Variants in C11orf65 observed in about 807,000 individuals in gnomAD.
C11orf65 encodes chromosome 11 open reading frame 65, also known as protein MFI.
C11orf65 carries 38 observed loss-of-function variants against 35.3 expected under a neutral mutation model. The observed-to-expected ratio is 1.08, with a 90% confidence interval of 0.83 to 1.41. The LOEUF is 1.41. Ranked by LOEUF, C11orf65 falls within the 40% of genes most tolerant of loss-of-function variation. The pLI, the probability that C11orf65 is intolerant of heterozygous loss-of-function variation, is 0.00. For missense variants in C11orf65, 370 were observed against 367.1 expected (o/e 1.01, Z -0.06); for synonymous variants, 105 against 114.4 (o/e 0.92, Z 0.53).
At chr11:108,405,333 A>G in intron 6 of C11orf65, 96 bp downstream of exon 6, 1 of 1,274,740 alleles carries the variant, frequency 7.8e-7, no homozygotes, top group African/African-American at 1.5e-5. Flanking sequence ...GACCCCCTGC[A>G]GCTAATGCCC....
rs2092551445 is a variant in C11orf65, at chr11:108,406,909, C to T, written c.283G>A (p.Asp95Asn). The change falls in exon 5 of 9, where the codon GAT becomes AAT. Residue 95 changes from aspartate (D) to asparagine (N), a missense_variant. Coordinates refer to ENST00000393084, the MANE Select transcript of C11orf65 (RefSeq NM_152587.5). ...TTTCTAGGGCTGTTAGCACAGAGAT[C>T]TTCAATAGGTCTGTGAGTAAAAATC... ...YKIFTHRPIE[D>N]LCANSPRNYA... 1 of 1,612,430 alleles carries T rather than the reference C, an allele frequency of 6.2e-7. No individual in the cohort carries two copies. The highest frequency in any genetic ancestry group is 2.2e-5 in the East Asian group (1 of 44,792).
chr11:108,454,262 T>C (rs984980060), intron 2 of C11orf65, among the ~76,000 whole-genome samples: 1 of 151,966 alleles, frequency 6.6e-6, no homozygotes, highest in Admixed American at 6.6e-5. Context: ...TCAGTTGTAA[T>C]GTCTCATCTT....
chr11:108,449,788 G>A (rs1414839282), intron 2 of C11orf65, among the ~76,000 whole-genome samples: 2 of 151,952 alleles, frequency 1.3e-5, no homozygotes, highest in Non-Finnish European at 2.9e-5. Context: ...TGACAAATGG[G>A]ATCTAATTAA....
At chr11:108,389,947 G>A (rs2092110045) in intron 7 of C11orf65, among the ~76,000 whole-genome samples, 1 of 151,730 alleles carries the variant, frequency 6.6e-6, no homozygotes. Context: ...GCCCTCCTCA[G>A]CCTCCCAAAG....
intron 5 of C11orf65, 34 bp downstream of exon 5, chr11:108,406,729 G>GT: frequency 5.1e-6 from 7 of 1,361,872 alleles, no homozygotes; most frequent in Non-Finnish European, 7.0e-6. Flanking sequence ...TTCTAAATAC[G>GT]TAAGGTTAAA....
downstream of C11orf65, among the ~76,000 whole-genome samples, chr11:108,328,480 A>G (rs577525842): frequency 6.6e-6 from 1 of 152,242 alleles, no homozygotes; most frequent in South Asian, 2.1e-4. Context: ...TCCTGACCTC[A>G]AGTGATCCAC....
At chr11:108,316,232 G>A in intron 6 of C11orf65, 2 of 996,900 alleles carry the variant, frequency 2.0e-6, no homozygotes, top group East Asian at 2.6e-5. Flanking sequence ...GAACTTATCT[G>A]TTTTTCAGAG....
chr11:108,421,975 G>A (rs1428914528), intron 3 of C11orf65, among the ~76,000 whole-genome samples: 3 of 152,086 alleles, frequency 2.0e-5, no homozygotes, highest in African/African-American at 7.2e-5. Context: ...ACTGTCACCC[G>A]GGTTGGTGTG....
At chr11:108,413,534 T>C (rs1330860186) in intron 3 of C11orf65, among the ~76,000 whole-genome samples, 6 of 152,226 alleles carry the variant, frequency 3.9e-5, no homozygotes, top group Admixed American at 6.5e-5. Context: ...TCTTGCCTGA[T>C]TGTGCTGGCT....
chr11:108,417,681 G>A (rs1017882674), intron 3 of C11orf65, among the ~76,000 whole-genome samples: 5 of 151,704 alleles, frequency 3.3e-5, no homozygotes, highest in Non-Finnish European at 5.9e-5. Flanking sequence ...GTTGGTGTGC[G>A]CATGTTCTCA....
chr11:108,324,220 G>A (rs2085439424), intron 6 of C11orf65, among the ~76,000 whole-genome samples: 1 of 152,016 alleles, frequency 6.6e-6, no homozygotes, highest in Non-Finnish European at 1.5e-5. Context: ...TTTAATAAAA[G>A]CACAATCTAG....
chr11:108,369,927 G>A (rs532672421), intron 2 of C11orf65, among the ~76,000 whole-genome samples: 1 of 152,186 alleles, frequency 6.6e-6, no homozygotes, highest in South Asian at 2.1e-4. Flanking sequence ...CTGCCTGTAC[G>A]TATTCTTTGC....
chr11:108,389,224 C>G (rs2092088523), intron 7 of C11orf65, among the ~76,000 whole-genome samples: 1 of 152,186 alleles, frequency 6.6e-6, no homozygotes, highest in Non-Finnish European at 1.5e-5. Context: ...AAGCCAGTTA[C>G]AAATATCTAG....
intron 6 of C11orf65, among the ~76,000 whole-genome samples, chr11:108,393,760 A>T (rs1459014652): frequency 6.6e-6 from 1 of 152,240 alleles, no homozygotes; most frequent in African/African-American, 2.4e-5. Context: ...TTACAAAATC[A>T]AGAGGCTAAT....
chr11:108,342,742 C>T (rs906342449), intron 2 of C11orf65, among the ~76,000 whole-genome samples: 22 of 152,220 alleles, frequency 1.4e-4, no homozygotes, highest in African/African-American at 5.3e-4. Flanking sequence ...TTTAGGAGTA[C>T]ATTTTCTCTC....
At chr11:108,317,630 T>TATATAC (rs1271289105) in intron 6 of C11orf65, 1 of 170,654 alleles carries the variant, frequency 5.9e-6, no homozygotes, top group African/African-American at 3.7e-5. Context: ...TATATATATA[T>TATATAC]ATATATATAT....
rs2091900489 is a variant in C11orf65 at position 108,383,113 on chromosome 11, G to A, written c.850C>T (p.Gln284Ter). The change falls in exon 9 of 9, where the codon CAA becomes TAA. Residue 284 changes from glutamine to a stop codon, truncating the protein, a stop_gained. Coordinates refer to ENST00000393084, the MANE Select transcript of C11orf65 (RefSeq NM_152587.5). LOFTEE classifies it low-confidence loss of function (END_TRUNC). ...YNYGGDISKM[Q>*]MGIPDDTYYE... The stretch of plus-strand genomic sequence containing the variant: ...TAAGTATCATCTGGTATTCCCATTT[G>A]CATCTTTGATATGTCTCCTCCATAG... The A allele has an allele frequency of 6.2e-7, 1 of 1,611,804 alleles. No homozygotes were observed.
At chr11:108,462,226 G>A (rs567673279) in intron 1 of C11orf65, among the ~76,000 whole-genome samples, 6 of 152,140 alleles carry the variant, frequency 3.9e-5, no homozygotes, top group Non-Finnish European at 7.4e-5. Context: ...AAAATTTTTT[G>A]TAGAGACAGG....
chr11:108,319,132 A>G (rs906336559), intron 6 of C11orf65, among the ~76,000 whole-genome samples: 3 of 152,000 alleles, frequency 2.0e-5, no homozygotes, highest in Non-Finnish European at 4.4e-5. Context: ...AGCCGAGATC[A>G]TGCCACTGCA....
Sources: allele counts gnomAD v4.1 joint callset (sites outside exome capture counted in the v4.1 genomes callset), GRCh38; gene constraint gnomAD v4.1.1; transcripts MANE v1.5; gene names NCBI Gene and HGNC (gene_info 2026-07-23, HGNC 2026-07-21).